Variants in PHACTR1 observed in about 807,000 individuals in gnomAD.
PHACTR1 encodes the protein phosphatase and actin regulator 1.
PHACTR1 carries 16 observed loss-of-function variants against 69.2 expected under a neutral mutation model. That is an observed-to-expected ratio of 0.23 (90% CI 0.16 to 0.35). The LOEUF is 0.35. Among genes scored for constraint, PHACTR1 ranks in the 10% least tolerant of loss-of-function variants. The pLI, the probability that PHACTR1 is intolerant of heterozygous loss-of-function variation, is 1.00. For synonymous variants in PHACTR1, 312 were observed against 284.5 expected (o/e 1.10, Z -0.97); for missense variants, 510 against 734.7 (o/e 0.69, Z 3.54).
chr6:13,164,635 T>G (rs189219548), intron 6 of PHACTR1, among the ~76,000 whole-genome samples: 9 of 152,362 alleles, frequency 5.9e-5, no homozygotes, highest in African/African-American at 1.4e-4. Context: ...TCCCTTCCAG[T>G]GCTTTTTACA....
intron 6 of PHACTR1, among the ~76,000 whole-genome samples, chr6:13,165,743 G>A (rs1182586433): frequency 6.6e-6 from 1 of 151,870 alleles, no homozygotes; most frequent in Non-Finnish European, 1.5e-5. Context: ...GCTCAAACAG[G>A]GGCATGGGCA....
intron 10 of PHACTR1, among the ~76,000 whole-genome samples, chr6:13,260,965 G>C (rs913101976): frequency 6.6e-6 from 1 of 152,110 alleles, no homozygotes; most frequent in Non-Finnish European, 1.5e-5. Flanking sequence ...TTTGTGGTGG[G>C]GGCTGTCCCA....
At chr6:12,847,838 A>G (rs1249213777) in intron 4 of PHACTR1, among the ~76,000 whole-genome samples, 1 of 152,208 alleles carries the variant, frequency 6.6e-6, no homozygotes, top group African/African-American at 2.4e-5. Context: ...TTAAAAAATT[A>G]AAGCTAAGGC....
intron 4 of PHACTR1, among the ~76,000 whole-genome samples, chr6:12,889,409 A>C (rs1783949061): frequency 6.6e-6 from 1 of 152,216 alleles, no homozygotes; most frequent in South Asian, 2.1e-4. Flanking sequence ...ATGATTCAAC[A>C]TGTCCTAATC....
chr6:13,171,978 G>C (rs988521534), intron 6 of PHACTR1, among the ~76,000 whole-genome samples: 1 of 152,122 alleles, frequency 6.6e-6, no homozygotes, highest in Non-Finnish European at 1.5e-5. Flanking sequence ...TGTTGGCCAG[G>C]CTGGTCTTGA....
At position 13,003,964 on chromosome 6, in the gene PHACTR1, TGTATATATATATATAC is replaced by T. The variant is rs1009125531; in HGVS notation, c.251-49400_251-49385del. Among the ~76,000 whole-genome samples, 55 of 102,144 alleles carry T rather than the reference TGTATATATATATATAC, an allele frequency of 5.4e-4. 6 individuals are homozygous for T. Among genetic ancestry groups the T allele is most frequent in the African/African-American group, 2.9e-3 (48 of 16,708 alleles). 67.0% of individuals were successfully genotyped at this position (102,144 alleles called of 152,430 possible). A position where few individuals can be genotyped will look rare whatever the true frequency, so the allele number is the denominator to read the frequency against. Reference sequence around the variant, plus strand: ...TCAGTAGTATTCCTATATATATATATGTATATATATATATACACATATATATATATCACATTTTCTT... The same window carrying T: ...TCAGTAGTATTCCTATATATATATATACATATATATATATCACATTTTCTT... On this transcript the variant is annotated intron_variant, in intron 4 of 14. Transcript: ENST00000332995.
intron 10 of PHACTR1, among the ~76,000 whole-genome samples, chr6:13,235,559 G>C (rs895261368): frequency 1.6e-4 from 24 of 152,306 alleles, no homozygotes; most frequent in African/African-American, 4.1e-4. Flanking sequence ...GACACTGACA[G>C]GTTGGTGAAG....
chr6:13,097,005 A>G (rs1393087006), intron 5 of PHACTR1, among the ~76,000 whole-genome samples: 1 of 152,270 alleles, frequency 6.6e-6, no homozygotes, highest in African/African-American at 2.4e-5. Context: ...TGATATTAAA[A>G]AAGAAGAGGA....
At position 13,245,203 on chromosome 6, in the gene PHACTR1, A is replaced by G. The variant is rs1468116039; in HGVS notation, c.1391+15010A>G. Among the ~76,000 whole-genome samples the G allele has an allele frequency of 6.6e-6, 1 of 152,218 alleles. No individual in the cohort carries two copies. Among genetic ancestry groups the G allele is most frequent in the African/African-American group, 2.4e-5 (1 of 41,456 alleles). Reference sequence around the variant, plus strand: ...CTGTTCCTTTGGGTATATACCCAGTAACGGGATTGCAAGGTCGACGGGTAA... The same window carrying G: ...CTGTTCCTTTGGGTATATACCCAGTGACGGGATTGCAAGGTCGACGGGTAA... On this transcript the variant is annotated intron_variant, in intron 10 of 14. Coordinates refer to ENST00000332995, the MANE Select transcript of PHACTR1 (RefSeq NM_030948.6). The surrounding 1 kb of genome is among the most constrained non-coding windows in gnomAD (Gnocchi z 4.1).
intron 5 of PHACTR1, among the ~76,000 whole-genome samples, chr6:13,095,620 C>T (rs995052458): frequency 1.3e-5 from 2 of 152,066 alleles, no homozygotes; most frequent in African/African-American, 2.4e-5. Flanking sequence ...TAAATCTGCT[C>T]ACAGCTGGAA....
At chr6:13,151,762 A>G (rs1470767819) in intron 5 of PHACTR1, among the ~76,000 whole-genome samples, 1 of 152,188 alleles carries the variant, frequency 6.6e-6, no homozygotes, top group African/African-American at 2.4e-5. Context: ...TGGTCTGGGA[A>G]GGTATGACTG....
At chr6:12,877,036 A>C (rs1377247850) in intron 4 of PHACTR1, among the ~76,000 whole-genome samples, 1 of 152,180 alleles carries the variant, frequency 6.6e-6, no homozygotes, top group Non-Finnish European at 1.5e-5. Flanking sequence ...AACAGATTGG[A>C]TGATACTCTT....
chr6:13,001,337 A>C (rs1032715939), intron 4 of PHACTR1, among the ~76,000 whole-genome samples: 3 of 152,188 alleles, frequency 2.0e-5, no homozygotes, highest in African/African-American at 7.2e-5. Flanking sequence ...ATTGGGAAGA[A>C]AAATTAATAA....
chr6:12,722,331 CAT>C (rs1424535037), intron 3 of PHACTR1, among the ~76,000 whole-genome samples: 4 of 152,234 alleles, frequency 2.6e-5, no homozygotes, highest in African/African-American at 9.6e-5. Flanking sequence ...TCATTTCCCA[CAT>C]GACAGCCTCA....
chr6:13,034,276 C>G (rs1561724234), intron 4 of PHACTR1, among the ~76,000 whole-genome samples: 1 of 152,178 alleles, frequency 6.6e-6, no homozygotes, highest in Admixed American at 6.5e-5. Flanking sequence ...CTCGGCCTCC[C>G]AAAGTGCTGG....
chr6:12,993,857 T>C (rs576246026), intron 4 of PHACTR1, among the ~76,000 whole-genome samples: 36 of 152,204 alleles, frequency 2.4e-4, no homozygotes, highest in African/African-American at 8.4e-4. Context: ...AAATAAAAAA[T>C]CACTCTGTAA....
At chr6:13,016,966 C>T (rs1294346806) in intron 4 of PHACTR1, among the ~76,000 whole-genome samples, 2 of 152,138 alleles carry the variant, frequency 1.3e-5, no homozygotes, top group Non-Finnish European at 2.9e-5. Flanking sequence ...GCCTGTGGAT[C>T]ACTTGAGGTC....
intron 5 of PHACTR1, among the ~76,000 whole-genome samples, chr6:13,121,963 A>G (rs1818808912): frequency 6.6e-6 from 1 of 152,244 alleles, no homozygotes; most frequent in Non-Finnish European, 1.5e-5. Context: ...GTATATGCGT[A>G]TATAAGTATG....
intron 4 of PHACTR1, among the ~76,000 whole-genome samples, chr6:12,809,355 C>T (rs535485811): frequency 1.3e-5 from 2 of 152,148 alleles, no homozygotes; most frequent in African/African-American, 4.8e-5. Context: ...ATATTCCACA[C>T]CCAGCCCCAT....
Sources: allele counts gnomAD v4.1 joint callset (sites outside exome capture counted in the v4.1 genomes callset), GRCh38; gene constraint gnomAD v4.1.1; non-coding constraint Gnocchi (gnomAD v3.1); transcripts MANE v1.5; gene names NCBI Gene and HGNC (gene_info 2026-07-23, HGNC 2026-07-21).